Variants in AFAP1L2 observed in about 807,000 individuals in gnomAD.
AFAP1L2 encodes actin filament associated protein 1 like 2.
In AFAP1L2, 46 loss-of-function variants were observed where a neutral mutation model predicts 99.3. That is an observed-to-expected ratio of 0.46 (90% confidence interval 0.37 to 0.59). The LOEUF (loss-of-function observed/expected upper bound fraction) is 0.59. AFAP1L2 is among the 20% of genes least tolerant of loss of function. The pLI, the probability that AFAP1L2 is intolerant of heterozygous loss-of-function variation, is 0.00. For synonymous variants in AFAP1L2, 397 were observed against 419.1 expected (o/e 0.95, Z 0.64); for missense variants, 959 against 1,034.9 (o/e 0.93, Z 1.01).
intron 1 of AFAP1L2, among the ~76,000 whole-genome samples, chr10:114,372,794 T>C (rs1417313808): frequency 6.6e-6 from 1 of 152,168 alleles, no homozygotes; most frequent in East Asian, 1.9e-4. Context: ...CTGTGCATCC[T>C]TCCAGGAATT....
intron 1 of AFAP1L2, among the ~76,000 whole-genome samples, chr10:114,372,572 A>T (rs535451686): frequency 1.3e-5 from 2 of 151,972 alleles, no homozygotes; most frequent in African/African-American, 2.4e-5. Flanking sequence ...TTCTATTTTT[A>T]TTAAGCTTTT....
rs376007339 is a variant in AFAP1L2 at position 114,297,203 on chromosome 10, G to A, written c.2307+17C>T. On this transcript the variant is annotated intron_variant, in intron 17 of 18. Coordinates refer to ENST00000304129, the MANE Select transcript of AFAP1L2 (RefSeq NM_001001936.3). ...GAGCCCTGCAAGCAGCCCAGAGGCC[G>A]CAGTTCCAGCACTCACGCGGGGGCT... is the stretch of plus-strand genomic sequence containing the variant. The A allele has an allele frequency of 8.9e-4, 1,211 of 1,367,954 alleles. 2 individuals are homozygous for A. The highest frequency in any genetic ancestry group is 1.1e-3 in the Non-Finnish European group (1,127 of 1,024,698). 84.7% of individuals were successfully genotyped at this position (1,367,954 alleles called of 1,614,324 possible).
At chr10:114,310,566 T>G in intron 7 of AFAP1L2, 123 bp from the exon 8 acceptor site, 3 of 878,948 alleles carry the variant, frequency 3.4e-6, no homozygotes, top group Non-Finnish European at 3.4e-6. Context: ...GAAGATGAAT[T>G]TCCAAGGAAG....
At chr10:114,404,609 C>G, upstream of AFAP1L2, 1 of 1,146,290 alleles carries the variant, frequency 8.7e-7, no homozygotes. Context: ...GTCCTCGGAC[C>G]TGGCCCCCGC....
chr10:114,341,335 C>T (rs995287932), intron 1 of AFAP1L2, among the ~76,000 whole-genome samples: 5 of 152,152 alleles, frequency 3.3e-5, no homozygotes, highest in African/African-American at 7.2e-5. Context: ...ACACCTGGGC[C>T]GAGCACAGTG....
At chr10:114,320,059 T>C (rs1170072451) in intron 5 of AFAP1L2, among the ~76,000 whole-genome samples, 2 of 152,058 alleles carry the variant, frequency 1.3e-5, no homozygotes, top group Non-Finnish European at 2.9e-5. Flanking sequence ...GGATGAGTAA[T>C]GCCCCACACT....
chr10:114,404,733 C>G, upstream of AFAP1L2: 1 of 342,536 alleles, frequency 2.9e-6, no homozygotes, highest in Non-Finnish European at 5.2e-6. Flanking sequence ...CGGCCCCGCT[C>G]GCCGCCCCCG....
At chr10:114,290,999 C>T (rs932931668), downstream of AFAP1L2, among the ~76,000 whole-genome samples, 3 of 152,086 alleles carry the variant, frequency 2.0e-5, no homozygotes, top group African/African-American at 4.8e-5. Flanking sequence ...CAAGTCCAGT[C>T]GGAGCCTTGG....
At position 114,300,525 on chromosome 10, in the gene AFAP1L2, C is replaced by T. The variant is rs142839933; in HGVS notation, c.1708G>A (p.Glu570Lys). ...GGGCCTGAGTCTGCCGGGAGGGCCTCAGTTGCATTGTCCAGGCAGGACAAC... is the reference window on the plus strand; with the variant it reads ...GGGCCTGAGTCTGCCGGGAGGGCCTTAGTTGCATTGTCCAGGCAGGACAAC... ...PTLSCLDNAT[E>K]ALPADSGPGP... Residue 570 changes from glutamate (E) to lysine (K), a missense_variant, in exon 14 of 19, where the codon GAG (glutamate) becomes AAG (lysine). Physicochemically the swap from Glu to Lys is moderately conservative, Grantham distance 56. Coordinates refer to ENST00000304129, the MANE Select transcript of AFAP1L2 (RefSeq NM_001001936.3). 8.4e-5 allele frequency: 135 copies of T among 1,614,144 alleles called. No homozygotes were observed. The African/African-American group carries it at 1.7e-3, about 20-fold the overall frequency.
At chr10:114,303,060 T>G (rs1413808404) in intron 11 of AFAP1L2, among the ~76,000 whole-genome samples, 2 of 152,174 alleles carry the variant, frequency 1.3e-5, no homozygotes, top group Non-Finnish European at 2.9e-5. Context: ...TTTGGTATTT[T>G]TTTTTCCAGG....
intron 5 of AFAP1L2, among the ~76,000 whole-genome samples, chr10:114,318,685 T>G (rs1351058232): frequency 1.5e-5 from 2 of 131,642 alleles, no homozygotes; most frequent in African/African-American, 5.5e-5. Flanking sequence ...GAGATTGCGG[T>G]GAGCTGAGAT....
chr10:114,311,640 C>T (rs1590047154), intron 7 of AFAP1L2, among the ~76,000 whole-genome samples: 2 of 152,216 alleles, frequency 1.3e-5, no homozygotes, highest in African/African-American at 4.8e-5. Flanking sequence ...ACATGGATTA[C>T]CATCCCTATT....
intron 1 of AFAP1L2, among the ~76,000 whole-genome samples, chr10:114,379,549 G>A (rs2055319022): frequency 6.6e-6 from 1 of 152,220 alleles, no homozygotes; most frequent in Admixed American, 6.5e-5. Context: ...ACGGTCTGGA[G>A]GAATGGTAGA....
At chr10:114,348,188 C>T (rs1401836603) in intron 1 of AFAP1L2, among the ~76,000 whole-genome samples, 1 of 152,186 alleles carries the variant, frequency 6.6e-6, no homozygotes, top group Non-Finnish European at 1.5e-5. Flanking sequence ...TCTACTTACC[C>T]ATTCATTGTT....
rs768648069 is a variant in AFAP1L2 at position 114,300,184 on chromosome 10, G to A, written c.1957+10C>T. On this transcript the variant is annotated intron_variant, in intron 15 of 18. Transcript: ENST00000304129. Reference sequence around the variant, plus strand: ...GATGGAATCGGGCTAACTTCCCCAAGCACAAGTACCTGCACTGGTCACGCG... The same window carrying A: ...GATGGAATCGGGCTAACTTCCCCAAACACAAGTACCTGCACTGGTCACGCG... 22 of 1,614,124 alleles carry A rather than the reference G, an allele frequency of 1.4e-5. No individual in the cohort carries two copies. In the East Asian group the frequency reaches 4.7e-4, roughly 34 times the overall value.
intron 1 of AFAP1L2, among the ~76,000 whole-genome samples, chr10:114,390,987 C>T (rs905760044): frequency 6.6e-6 from 1 of 152,150 alleles, no homozygotes; most frequent in Non-Finnish European, 1.5e-5. Context: ...CCTTGATTCA[C>T]TGTCTTTACT....
intron 1 of AFAP1L2, among the ~76,000 whole-genome samples, chr10:114,384,558 A>AAC (rs1370159686): frequency 6.6e-6 from 1 of 152,228 alleles, no homozygotes; most frequent in Admixed American, 6.5e-5. Context: ...TTCAAGTGAG[A>AAC]ACAACCTCAC....
chr10:114,330,902 G>A (rs1243068076), intron 4 of AFAP1L2, among the ~76,000 whole-genome samples: 1 of 152,192 alleles, frequency 6.6e-6, no homozygotes, highest in Non-Finnish European at 1.5e-5. Flanking sequence ...CTGGGTGGTG[G>A]GTAGATAGCA....
chr10:114,395,223 A>G (rs1175598328), intron 1 of AFAP1L2, among the ~76,000 whole-genome samples: 9 of 152,180 alleles, frequency 5.9e-5, no homozygotes, highest in African/African-American at 1.7e-4. Flanking sequence ...TATTCAAAGA[A>G]TGTGCTAGAA....
Sources: gnomAD v4.1 joint callset for allele counts (sites outside exome capture counted in the v4.1 genomes callset) on GRCh38, gnomAD v4.1.1 for gene constraint, MANE v1.5 for transcripts, NCBI Gene and HGNC (gene_info 2026-07-23, HGNC 2026-07-21) for gene names.